GPSM2: variants seen among roughly 807,000 people sequenced by gnomAD.
GPSM2 encodes G protein-signaling modulator 2.
Under a neutral mutation model 78.4 loss-of-function variants are expected in GPSM2, and 58 were observed. The observed-to-expected ratio is 0.74, with a 90% CI of 0.60 to 0.92. The LOEUF (loss-of-function observed/expected upper bound fraction) is 0.92. Among genes scored for constraint, GPSM2 ranks in the 40% least tolerant of loss-of-function variants. The pLI, the probability that GPSM2 is intolerant of heterozygous loss-of-function variation, is 0.00. For missense variants in GPSM2, 700 were observed against 815.5 expected, an observed-to-expected ratio of 0.86 and a Z score of 1.73; for synonymous variants, 224 against 280.2, an observed-to-expected ratio of 0.80 and a Z score of 2.00.
intron 12 of GPSM2, among the ~76,000 whole-genome samples, chr1:108,921,080 A>G (rs1178157606): frequency 1.3e-5 from 2 of 152,102 alleles, no homozygotes; most frequent in African/African-American, 4.8e-5. Context: ...GTGTCATGCA[A>G]GATACCCTCT....
chr1:108,914,613 A>G (rs1473449865), intron 11 of GPSM2, among the ~76,000 whole-genome samples: 1 of 152,168 alleles, frequency 6.6e-6, no homozygotes, highest in African/African-American at 2.4e-5. Flanking sequence ...ATACATGCAT[A>G]TATTTCCTTT....
At position 108,898,962 on chromosome 1, in the gene GPSM2, T is replaced by C; in HGVS notation, c.765T>C (p.Leu255=). ...YSNLGNAYIF[L]GEFETASEYY... is the part of the protein sequence containing the mutation. Reference sequence around the variant, plus strand: ...ACCTTGGAAATGCATATATATTTCTTGGTGAATTTGAAACTGCCTCGGAAT... The same window carrying C: ...ACCTTGGAAATGCATATATATTTCTCGGTGAATTTGAAACTGCCTCGGAAT... The change falls in exon 7 of 15, where the codon CTT becomes CTC. Residue 255 remains leucine, a synonymous_variant. Coordinates refer to ENST00000264126, the MANE Select transcript of GPSM2 (RefSeq NM_013296.5). The C allele has an allele frequency of 6.2e-7, 1 of 1,606,972 alleles. No homozygotes were observed.
intron 2 of GPSM2, among the ~76,000 whole-genome samples, chr1:108,895,352 C>A (rs1049015568): frequency 1.3e-5 from 2 of 152,166 alleles, no homozygotes; most frequent in Non-Finnish European, 2.9e-5. Context: ...GATATGTATG[C>A]CACTGGTGGT....
chr1:108,908,757 G>A (rs1314085252), intron 10 of GPSM2, among the ~76,000 whole-genome samples: 1 of 104,576 alleles, frequency 9.6e-6, no homozygotes, highest in African/African-American at 5.7e-5. Flanking sequence ...AGTGGCTCAT[G>A]CCTGTAATCC....
Position 108,913,237 on chromosome 1 carries a change from C to T in GPSM2, c.1193-1101C>T, listed in dbSNP as rs75840453. Among the ~76,000 whole-genome samples the T allele has an allele frequency of 8.9e-3, 1,356 of 152,274 alleles. 9 individuals are homozygous for T. The highest frequency in any genetic ancestry group is 0.031 in the African/African-American group (1,283 of 41,550). Reference sequence around the variant, plus strand: ...GATACCCACCAAACTAGAAGAAATGCTTGTTCATGTACACTGAGAGACGTT... The same window carrying T: ...GATACCCACCAAACTAGAAGAAATGTTTGTTCATGTACACTGAGAGACGTT... On this transcript the variant is annotated intron_variant, in intron 10 of 14. Coordinates refer to ENST00000264126, the MANE Select transcript of GPSM2 (RefSeq NM_013296.5).
At chr1:108,903,279 A>G (rs781679924) in intron 9 of GPSM2, 45 bp downstream of exon 9, 1 of 1,083,036 alleles carries the variant, frequency 9.2e-7, no homozygotes, top group Non-Finnish European at 1.4e-6. Context: ...GTAATTTACA[A>G]ATTAGAGGTT....
chr1:108,913,003 T>C (rs966942478), intron 10 of GPSM2, among the ~76,000 whole-genome samples: 1 of 150,926 alleles, frequency 6.6e-6, no homozygotes, highest in Non-Finnish European at 1.5e-5. Context: ...AACATCACAG[T>C]GGAGTACTGG....
At chr1:108,907,370 G>GT (rs1488052497) in intron 10 of GPSM2, among the ~76,000 whole-genome samples, 1 of 152,156 alleles carries the variant, frequency 6.6e-6, no homozygotes, top group Non-Finnish European at 1.5e-5. Flanking sequence ...GGTTAGAGGT[G>GT]TTCCTAGAGA....
At position 108,917,629 on chromosome 1, in the gene GPSM2, T is replaced by TC. The variant is rs1200019550; in HGVS notation, c.1264-984_1264-983insC. ...ACACACACATATATATATATATATA[T>TC]ATATATATATATATATATATATATA... On this transcript the variant is annotated intron_variant, in intron 11 of 14. Coordinates refer to ENST00000264126, the MANE Select transcript of GPSM2 (RefSeq NM_013296.5). Among the ~76,000 whole-genome samples the TC allele has an allele frequency of 1.8e-4, 3 of 16,240 alleles. 1 individual carries two copies. The East Asian group carries it at 3.6e-3, about 20-fold the overall frequency. 10.7% of individuals were successfully genotyped at this position (16,240 alleles called of 152,430 possible).
intron 5 of GPSM2, 37 bp from the exon 6 acceptor site, chr1:108,898,605 C>T: frequency 1.9e-6 from 3 of 1,608,014 alleles, no homozygotes; most frequent in Non-Finnish European, 2.6e-6. Context: ...AATTGTTCTG[C>T]AAACTTATTT....
rs762004200 is a variant in GPSM2 at position 108,929,889 on chromosome 1, T to G, written c.2004T>G (p.Asn668Lys). The G allele has an allele frequency of 7.4e-6, 12 of 1,613,754 alleles. No individual in the cohort carries two copies. The South Asian group carries it at 1.2e-4, about 16-fold the overall frequency. The change falls in exon 15 of 15, where the codon AAT becomes AAG. Residue 668 changes from asparagine (N) to lysine (K), a missense_variant. Asn to Lys is a moderately conservative substitution (Grantham distance 94, BLOSUM62 0). Transcript: ENST00000264126. ...TDFGLKDFLQ[N>K]NALLEFKNSG... ...TTGGGCTAAAGGACTTTTTGCAAAA[T>G]AATGCTTTGTTGGAGTTTAAAAATT...
chr1:108,924,360 G>A (rs12404265), intron 14 of GPSM2, 146 bp downstream of exon 14: 35,009 of 712,628 alleles, frequency 0.049, 1,162 homozygotes, highest in South Asian at 0.092. Context: ...ATTGAACACC[G>A]ATTATGTTTC....
At chr1:108,878,097 T>C (rs1462911221) in intron 1 of GPSM2, among the ~76,000 whole-genome samples, 1 of 152,226 alleles carries the variant, frequency 6.6e-6, no homozygotes, top group African/African-American at 2.4e-5. Flanking sequence ...TAGAAGGGTG[T>C]ACCGAAGATT....
At chr1:108,928,021 T>C (rs1651267180) in intron 14 of GPSM2, among the ~76,000 whole-genome samples, 1 of 152,124 alleles carries the variant, frequency 6.6e-6, no homozygotes, top group South Asian at 2.1e-4. Context: ...TTCTTGGTTA[T>C]AAAACCAAAA....
intron 10 of GPSM2, among the ~76,000 whole-genome samples, chr1:108,912,290 T>C (rs1042472485): frequency 6.6e-6 from 1 of 152,160 alleles, no homozygotes; most frequent in East Asian, 1.9e-4. Context: ...TTTACAGATA[T>C]AAGTAATAAG....
chr1:108,903,119 GT>G lies in GPSM2; in HGVS notation c.954-3del. 2 of 1,543,858 alleles carry G rather than the reference GT, an allele frequency of 1.3e-6. No individual in the cohort carries two copies. The highest frequency in any genetic ancestry group is 2.2e-5 in the South Asian group (2 of 89,704). On this transcript the variant is annotated splice_region_variant and splice_polypyrimidine_tract_variant and intron_variant, in intron 8 of 14. Coordinates refer to ENST00000264126, the MANE Select transcript of GPSM2 (RefSeq NM_013296.5). ...TAACTGCATGTTCGCTTTGAATAAC[GT>G]TTTAGAATTGGTGAAGGAAGAGCAT...
intron 10 of GPSM2, among the ~76,000 whole-genome samples, chr1:108,904,833 G>A (rs550935356): frequency 1.3e-5 from 2 of 151,776 alleles, no homozygotes; most frequent in African/African-American, 4.8e-5. Flanking sequence ...CTATAGCGAG[G>A]AAATTTGCTA....
chr1:108,926,032 A>T (rs964458701), intron 14 of GPSM2, among the ~76,000 whole-genome samples: 11 of 152,126 alleles, frequency 7.2e-5, no homozygotes, highest in African/African-American at 2.7e-4. Flanking sequence ...CCAAAGAAAG[A>T]AGTAGTCATC....
intron 10 of GPSM2, among the ~76,000 whole-genome samples, chr1:108,907,395 G>A (rs79013959): frequency 0.01 from 1,564 of 152,274 alleles, 27 homozygotes; most frequent in African/African-American, 0.035. Flanking sequence ...GCAGAAGTAA[G>A]ACCAAATAGT....
Sources: allele counts gnomAD v4.1 joint callset (sites outside exome capture counted in the v4.1 genomes callset), GRCh38; gene constraint gnomAD v4.1.1; transcripts MANE v1.5; gene names NCBI Gene and HGNC (gene_info 2026-07-23, HGNC 2026-07-21).